Variants in ST3GAL4 observed in about 807,000 individuals in gnomAD.
ST3GAL4 encodes the protein CMP-N-acetylneuraminate-beta-galactosamide-alpha-2,3-sialyltransferase 4.
Under a neutral mutation model 42.6 loss-of-function variants are expected in ST3GAL4, and 24 were observed. The observed-to-expected ratio is 0.56, with a 90% CI of 0.41 to 0.79. The LOEUF is 0.79. ST3GAL4 is among the 30% of genes least tolerant of loss of function. The pLI is 0.00. For missense variants in ST3GAL4, 311 were observed against 430.8 expected (o/e 0.72, Z 2.46); for synonymous variants, 135 against 163.2 (o/e 0.83, Z 1.32).
In ST3GAL4 at chr11:126,406,316, A is replaced by G. The variant is rs1476715880; in HGVS notation, c.16+145A>G. ...TTCATCTTGAAGGACAGTGGGTACA[A>G]TCAGGGTCAAGCCCTCAGCCAGGGC... is the stretch of plus-strand genomic sequence containing the variant. On this transcript the variant is annotated intron_variant, in intron 2 of 10. Transcript: ENST00000444328. This position sits in a 1 kb window ranked among gnomAD's most constrained non-coding sequence, Gnocchi z 5.4. 1.9e-6 allele frequency: 3 copies of G among 1,540,258 alleles called. No individual in the cohort carries two copies. In the African/African-American group the frequency reaches 4.1e-5, roughly 21 times the overall value.
intron 1 of ST3GAL4, among the ~76,000 whole-genome samples, chr11:126,371,163 C>CTTTCTTTTTTT (rs1952628455): frequency 1.7e-5 from 1 of 59,974 alleles, no homozygotes; most frequent in Admixed American, 2.4e-4. Context: ...CCCCACATTC[C>CTTTCTTTTTTT]TTTTTTTTTT....
chr11:126,388,624 G>A (rs899990898), intron 1 of ST3GAL4, among the ~76,000 whole-genome samples: 24 of 142,602 alleles, frequency 1.7e-4, no homozygotes, highest in Admixed American at 1.4e-3. Flanking sequence ...GAGCCACTGC[G>A]CCTGGCCCTT....
intron 1 of ST3GAL4, among the ~76,000 whole-genome samples, chr11:126,368,682 C>G (rs898610625): frequency 6.6e-6 from 1 of 152,204 alleles, no homozygotes; most frequent in African/African-American, 2.4e-5. Flanking sequence ...CACACCTGCT[C>G]ATGAGAAGGG....
In ST3GAL4 at chr11:126,406,276, C is replaced by G; in HGVS notation, c.16+105C>G. ...GGGCTGTGGAGGGACAGACAGGGAG[C>G]CAGGGGCCCTTCTCTTCATCTTGAA... On this transcript the variant is annotated intron_variant, in intron 2 of 10. Transcript: ENST00000444328. This position sits in a 1 kb window ranked among gnomAD's most constrained non-coding sequence, Gnocchi z 5.4. 1 of 1,546,902 alleles carries G rather than the reference C, an allele frequency of 6.5e-7. No homozygotes were observed. The highest frequency in any genetic ancestry group is 8.7e-7 in the Non-Finnish European group (1 of 1,145,460).
Position 126,379,983 on chromosome 11 carries a change from C to T in ST3GAL4, c.-61+24141C>T, listed in dbSNP as rs375131214. 1.2e-4 allele frequency among the ~76,000 whole-genome samples: 19 copies of T among 152,170 alleles called. No homozygotes were observed. The East Asian group carries it at 1.4e-3, about 11-fold the overall frequency. ...CTTTTACAAAAGAGCTAGTCTCGGC[C>T]GGGCACAGTGACTTGCGCCTGTAAT... On this transcript the variant is annotated intron_variant, in intron 1 of 10. Coordinates refer to ENST00000444328, the MANE Select transcript of ST3GAL4 (RefSeq NM_001254757.2). The surrounding 1 kb of genome is among the most constrained non-coding windows in gnomAD (Gnocchi z 4.2).
chr11:126,404,746 C>T (rs1954153587), intron 1 of ST3GAL4, among the ~76,000 whole-genome samples: 1 of 152,242 alleles, frequency 6.6e-6, no homozygotes, highest in African/African-American at 2.4e-5. Context: ...GCTTCTGACT[C>T]TCCTGAGGCA....
At position 126,398,958 on chromosome 11, in the gene ST3GAL4, T is replaced by C. The variant is rs1953889893; in HGVS notation, c.-60-7138T>C. Among the ~76,000 whole-genome samples the C allele has an allele frequency of 6.6e-6, 1 of 152,202 alleles. No individual in the cohort carries two copies. Among genetic ancestry groups the C allele is most frequent in the Admixed American group, 6.5e-5 (1 of 15,288 alleles). On this transcript the variant is annotated intron_variant, in intron 1 of 10. Coordinates refer to ENST00000444328, the MANE Select transcript of ST3GAL4 (RefSeq NM_001254757.2). This position sits in a 1 kb window ranked among gnomAD's most constrained non-coding sequence, Gnocchi z 4.7. ...CTGAGGGCTCCCAAGACCTGGCTTT[T>C]GACATAGTTCCTTCCCTCAGATTTT...
In ST3GAL4 at chr11:126,413,724, G is replaced by A. The variant is rs1156313328; in HGVS notation, c.915+76G>A. The A allele has an allele frequency of 2.1e-5, 33 of 1,583,152 alleles. No homozygotes were observed. In the South Asian group the frequency reaches 2.2e-4, roughly 11 times the overall value. ...AGTCAGAGGGGCACTGGGTGAGTGG[G>A]AGCAGTGCTGAGACCCAGAGGTGGC... is the stretch of plus-strand genomic sequence containing the variant. On this transcript the variant is annotated intron_variant, in intron 10 of 10. Coordinates refer to ENST00000444328, the MANE Select transcript of ST3GAL4 (RefSeq NM_001254757.2).
chr11:126,364,819 C>T (rs1219323831), intron 1 of ST3GAL4, among the ~76,000 whole-genome samples: 1 of 151,520 alleles, frequency 6.6e-6, no homozygotes, highest in Admixed American at 6.6e-5. Flanking sequence ...CCTTGGCCCA[C>T]CCCCATCAGA....
intron 1 of ST3GAL4, among the ~76,000 whole-genome samples, chr11:126,382,713 C>A (rs544441961): frequency 6.6e-6 from 1 of 152,186 alleles, no homozygotes; most frequent in African/African-American, 2.4e-5. Flanking sequence ...GGGCTGGCTT[C>A]TGTGTGCAGA....
At chr11:126,372,423 T>C (rs976943246) in intron 1 of ST3GAL4, among the ~76,000 whole-genome samples, 3 of 151,814 alleles carry the variant, frequency 2.0e-5, no homozygotes, top group Non-Finnish European at 2.9e-5. Context: ...CTTTTCTTTT[T>C]TTTTTTTTCT....
In ST3GAL4 at chr11:126,376,518, T is replaced by C. The variant is rs1407464694; in HGVS notation, c.-61+20676T>C. On this transcript the variant is annotated intron_variant, in intron 1 of 10. Coordinates refer to ENST00000444328, the MANE Select transcript of ST3GAL4 (RefSeq NM_001254757.2). The surrounding 1 kb of genome is among the most constrained non-coding windows in gnomAD (Gnocchi z 5.1). ...GTCACATAACCATATGTTAGTTGGC[T>C]ACTTATGATTGGCTGAAGTTTTATT... 1.3e-5 allele frequency among the ~76,000 whole-genome samples: 2 copies of C among 152,248 alleles called. No homozygotes were observed. Among genetic ancestry groups the C allele is most frequent in the Admixed American group, 1.3e-4 (2 of 15,284 alleles).
rs905083589 is a variant in ST3GAL4 at position 126,398,685 on chromosome 11, C to G, written c.-60-7411C>G. Among the ~76,000 whole-genome samples the G allele has an allele frequency of 6.6e-6, 1 of 152,238 alleles. No individual in the cohort carries two copies. Among genetic ancestry groups the G allele is most frequent in the African/African-American group, 2.4e-5 (1 of 41,456 alleles). On this transcript the variant is annotated intron_variant, in intron 1 of 10. Coordinates refer to ENST00000444328, the MANE Select transcript of ST3GAL4 (RefSeq NM_001254757.2). This position sits in a 1 kb window ranked among gnomAD's most constrained non-coding sequence, Gnocchi z 4.7. ...CCCTGCAACCAGTCTCTGCCTGGGT[C>G]CCGAGTCTGTCCGCAATATCCTTTG...
chr11:126,369,858 A>C (rs1380052029), intron 1 of ST3GAL4, among the ~76,000 whole-genome samples: 1 of 152,254 alleles, frequency 6.6e-6, no homozygotes, highest in Non-Finnish European at 1.5e-5. Flanking sequence ...CTATTCACAT[A>C]AGATGTATCT....
chr11:126,366,047 G>GA lies in ST3GAL4; in HGVS notation c.-61+10206dup, dbSNP rs1350777467. ...TGAGCCTGGCTGGGCAGAGGGCGAGGAGCCCAGGATTCCCCTTTCCGTGAC... is the reference window on the plus strand; with the variant it reads ...TGAGCCTGGCTGGGCAGAGGGCGAGGAAGCCCAGGATTCCCCTTTCCGTGAC... On this transcript the variant is annotated intron_variant, in intron 1 of 10. Transcript: ENST00000444328. This position sits in a 1 kb window ranked among gnomAD's most constrained non-coding sequence, Gnocchi z 4.2. Among the ~76,000 whole-genome samples, 2 of 152,198 alleles carry GA rather than the reference G, an allele frequency of 1.3e-5. No individual in the cohort carries two copies. Among genetic ancestry groups the GA allele is most frequent in the African/African-American group, 4.8e-5 (2 of 41,444 alleles).
intron 1 of ST3GAL4, among the ~76,000 whole-genome samples, chr11:126,370,746 G>C (rs533821629): frequency 3.0e-4 from 46 of 151,298 alleles, no homozygotes; most frequent in Non-Finnish European, 4.9e-4. Context: ...GCACGATCTC[G>C]GCTCACTGCA....
At chr11:126,374,798 T>G (rs2135420663) in intron 1 of ST3GAL4, among the ~76,000 whole-genome samples, 1 of 152,188 alleles carries the variant, frequency 6.6e-6, no homozygotes, top group Middle Eastern at 3.4e-3. Context: ...TCTTGGCACT[T>G]GCAATTAGCG....
In ST3GAL4 at chr11:126,397,201, A is replaced by G. The variant is rs983418410; in HGVS notation, c.-60-8895A>G. On this transcript the variant is annotated intron_variant, in intron 1 of 10. Transcript: ENST00000444328. This position sits in a 1 kb window ranked among gnomAD's most constrained non-coding sequence, Gnocchi z 5.0. ...TATTACTTATTTGTCAGATGTTTGT[A>G]AAACATCTGCTACATTCTTGGCAGT... is the stretch of plus-strand genomic sequence containing the variant. 6.6e-5 allele frequency among the ~76,000 whole-genome samples: 10 copies of G among 152,258 alleles called. No individual in the cohort carries two copies. Among genetic ancestry groups the G allele is most frequent in the African/African-American group, 2.4e-4 (10 of 41,508 alleles).
chr11:126,377,192 A>T (rs559516659), intron 1 of ST3GAL4, among the ~76,000 whole-genome samples: 12 of 151,394 alleles, frequency 7.9e-5, no homozygotes, highest in Non-Finnish European at 1.6e-4. Flanking sequence ...TTTTTTTGAG[A>T]TCGAGTCTTA....
Sources: gnomAD v4.1 joint callset for allele counts (sites outside exome capture counted in the v4.1 genomes callset) on GRCh38, gnomAD v4.1.1 for gene constraint, Gnocchi (gnomAD v3.1) non-coding constraint, MANE v1.5 for transcripts, NCBI Gene and HGNC (gene_info 2026-07-23, HGNC 2026-07-21) for gene names.